Variants in DNAH1 observed in about 807,000 individuals in gnomAD.
The protein encoded by DNAH1 is axonemal beta dynein heavy chain 1.
DNAH1 carries 327 observed loss-of-function variants against 484.3 expected under a neutral mutation model. That is an observed-to-expected ratio of 0.68 (90% CI 0.62 to 0.74). The LOEUF (loss-of-function observed/expected upper bound fraction) is 0.74. Ranked by LOEUF, DNAH1 falls within the 30% of genes least tolerant of loss-of-function variation. The pLI is 0.00. For missense variants in DNAH1, 5,052 were observed against 5,546.8 expected (o/e 0.91, Z 2.83); for synonymous variants, 2,192 against 2,191.9 (o/e 1.00, Z 0.00).
rs1315748049 is a variant in DNAH1 at position 52,327,897 on chromosome 3, G to A, written c.754G>A (p.Asp252Asn). 1.2e-6 allele frequency: 2 copies of A among 1,613,642 alleles called. No homozygotes were observed. Among genetic ancestry groups the A allele is most frequent in the Non-Finnish European group, 1.7e-6 (2 of 1,179,660 alleles). Residue 252 changes from aspartate (D) to asparagine (N), a missense_variant, in exon 6 of 78, where the codon GAC (aspartate) becomes AAC (asparagine). By Grantham distance (23) the Asp-to-Asn change is conservative (BLOSUM62 1). Coordinates refer to ENST00000420323, the MANE Select transcript of DNAH1 (RefSeq NM_015512.5). ...TTTCTTCCAGGTATTTGACAATGAG[G>A]ACTTTGACTGCCGGACTCCCAGAGA... ...YLPLKVFDNE[D>N]FDCRTPREWI...
chr3:52,394,727 G>T, intron 67 of DNAH1, 66 bp downstream of exon 67: 3 of 1,517,672 alleles, frequency 2.0e-6, no homozygotes, highest in Non-Finnish European at 8.8e-7. Context: ...GGAAAGGCTT[G>T]TCTGGGCGCC....
rs779253456 is a variant in DNAH1, at chr3:52,332,312, G to A, written c.1204G>A (p.Gly402Ser). 2.2e-5 allele frequency: 36 copies of A among 1,613,922 alleles called. No homozygotes were observed. Among genetic ancestry groups the A allele is most frequent in the African/African-American group, 6.7e-5 (5 of 74,938 alleles). Residue 402 changes from glycine to serine, a missense_variant, in exon 8 of 78, where the codon GGC becomes AGC. Transcript: ENST00000420323. The stretch of plus-strand genomic sequence containing the variant: ...GTATGTGGACTGCATGCCCTCTGAC[G>A]GCCAGCATGTCATCAGTGAACAGAG... ...NLYVDCMPSD[G>S]QHVISEQSLS...
In DNAH1 at chr3:52,388,474, G is replaced by T; in HGVS notation, c.9228G>T (p.Glu3076Asp). The change falls in exon 58 of 78, where the codon GAG (glutamate) becomes GAT (aspartate). Residue 3076 changes from glutamate (E) to aspartate (D), a missense_variant. Around this residue, in one of 4 missense-constraint regions of DNAH1, gnomAD observed 2,929 missense variants for 3,409.4 expected, o/e 0.86. Transcript: ENST00000420323. ...GGGTGACACAGAGGATCCTGGATGA[G>T]GCAAAACAGCGCCTTCGTGAGGTGG... ...DLGVTQRILD[E>D]AKQRLREVED... 1 of 1,612,892 alleles carries T rather than the reference G, an allele frequency of 6.2e-7. No homozygotes were observed. The highest frequency in any genetic ancestry group is 1.1e-5 in the South Asian group (1 of 90,802).
In DNAH1 at chr3:52,395,599, T is replaced by A; in HGVS notation, c.11180T>A (p.Val3727Asp). 6.2e-7 allele frequency: 1 copy of A among 1,613,746 alleles called. No individual in the cohort carries two copies. Among genetic ancestry groups the A allele is most frequent in the Non-Finnish European group, 8.5e-7 (1 of 1,179,882 alleles). Residue 3727 changes from valine to aspartate, a missense_variant, in exon 70 of 78, where the codon GTC (valine) becomes GAC (aspartate). By Grantham distance (152) the Val-to-Asp change is radical. Around this residue, in one of 4 missense-constraint regions of DNAH1, gnomAD observed 853 missense variants for 899.0 expected, o/e 0.95. Coordinates refer to ENST00000420323, the MANE Select transcript of DNAH1 (RefSeq NM_015512.5). This position sits in a 1 kb window ranked among gnomAD's most constrained non-coding sequence, Gnocchi z 4.4. ...MRSSIERGKW[V>D]FFQNCHLAPS... ...AGCTCCATAGAGAGGGGCAAATGGGTCTTCTTCCAGAACTGCCACCTGGCA... is the reference window on the plus strand; with the variant it reads ...AGCTCCATAGAGAGGGGCAAATGGGACTTCTTCCAGAACTGCCACCTGGCA...
Position 52,353,203 on chromosome 3 carries a change from A to AC in DNAH1, c.3133dup (p.Leu1045ProfsTer7). ...CGCTGGTCGGAGAGCTGGATGAATG[A>AC]CCCCCTCTCTGCCATCGATGCTGAG... is the stretch of plus-strand genomic sequence containing the variant. On this transcript the variant is annotated frameshift_variant, in exon 19 of 78. Coordinates refer to ENST00000420323, the MANE Select transcript of DNAH1 (RefSeq NM_015512.5). LOFTEE classifies it high-confidence loss of function. The surrounding 1 kb of genome is among the most constrained non-coding windows in gnomAD (Gnocchi z 5.0). 1 of 1,613,508 alleles carries AC rather than the reference A, an allele frequency of 6.2e-7. No individual in the cohort carries two copies. The highest frequency in any genetic ancestry group is 8.5e-7 in the Non-Finnish European group (1 of 1,179,802).
At chr3:52,369,735 A>T (rs530371253) in intron 37 of DNAH1, 90 bp from the exon 38 acceptor site, 3 of 1,390,496 alleles carry the variant, frequency 2.2e-6, no homozygotes, top group Admixed American at 2.2e-5. Context: ...CACTTACAGG[A>T]TGTGCAGCCC....
At chr3:52,385,296 C>G in intron 53 of DNAH1, 41 bp from the exon 54 acceptor site, 1 of 1,533,170 alleles carries the variant, frequency 6.5e-7, no homozygotes. Context: ...CTCTCTCTGT[C>G]CCTGCCACAC....
Position 52,358,428 on chromosome 3 carries a change from G to A in DNAH1, c.4087-130G>A, listed in dbSNP as rs567094449. 1.5e-4 allele frequency: 155 copies of A among 1,031,314 alleles called. 2 individuals carry two copies. The South Asian group carries it at 2.2e-3, about 15-fold the overall frequency. 63.9% of individuals were successfully genotyped at this position (1,031,314 alleles called of 1,614,324 possible). On this transcript the variant is annotated intron_variant, in intron 24 of 77. Transcript: ENST00000420323. This position sits in a 1 kb window ranked among gnomAD's most constrained non-coding sequence, Gnocchi z 4.2. ...GAAGGCCCAGCCAAGATAGACTCTC[G>A]GGGGGACGGGAAGGCAGGGCTTTCT...
rs758519946 is a variant in DNAH1 at position 52,388,616 on chromosome 3, A to G, written c.9363+7A>G. 54 of 1,611,612 alleles carry G rather than the reference A, an allele frequency of 3.4e-5. No homozygotes were observed. Among genetic ancestry groups the G allele is most frequent in the Non-Finnish European group, 4.3e-5 (51 of 1,179,448 alleles). ...GCTGGGCCGAGCTGGCAAGGTGCGC[A>G]CCCTCCTCCTGCAAGGCCTGCAAGC... On this transcript the variant is annotated splice_region_variant and intron_variant, in intron 58 of 77. Coordinates refer to ENST00000420323, the MANE Select transcript of DNAH1 (RefSeq NM_015512.5).
At chr3:52,372,606 G>A (rs1205948804) in intron 43 of DNAH1, among the ~76,000 whole-genome samples, 3 of 152,228 alleles carry the variant, frequency 2.0e-5, no homozygotes, top group Non-Finnish European at 4.4e-5. Context: ...GTGGGTGCTC[G>A]CCCTGGCTGT....
At chr3:52,391,909 G>A (rs770583571) in intron 63 of DNAH1, among the ~76,000 whole-genome samples, 32 of 152,028 alleles carry the variant, frequency 2.1e-4, no homozygotes, top group African/African-American at 5.8e-4. Context: ...CTGAGCCCTC[G>A]CCAGGCCCTG....
At chr3:52,349,657 G>C (rs1702290650) in intron 14 of DNAH1, among the ~76,000 whole-genome samples, 1 of 152,218 alleles carries the variant, frequency 6.6e-6, no homozygotes, top group Non-Finnish European at 1.5e-5. Flanking sequence ...TAGACTCTTA[G>C]AGGCCTGGAA....
Position 52,386,231 on chromosome 3 carries a change from C to T in DNAH1, c.8697C>T (p.Ala2899=). The change falls in exon 55 of 78, where the codon GCC becomes GCT. Residue 2899 remains alanine (A), a synonymous_variant. Transcript: ENST00000420323. ...AGGAGATCAAAGCCAATGAGAAGGC[C>T]AAGAAGGCACAAGCTATTGCTGACG... ...QTEEIKANEK[A]KKAQAIADDA... is the part of the protein sequence containing the mutation. 6.2e-7 allele frequency: 1 copy of T among 1,613,694 alleles called. No homozygotes were observed. Among genetic ancestry groups the T allele is most frequent in the Non-Finnish European group, 8.5e-7 (1 of 1,179,796 alleles).
chr3:52,378,545 A>C, intron 46 of DNAH1, 57 bp from the exon 47 acceptor site: 1 of 1,573,888 alleles, frequency 6.4e-7, no homozygotes, highest in Non-Finnish European at 8.7e-7. Context: ...CAGGACCTGC[A>C]GAGGCGGCAG....
intron 16 of DNAH1, among the ~76,000 whole-genome samples, chr3:52,351,405 G>A (rs563392693): frequency 6.6e-6 from 1 of 152,352 alleles, no homozygotes; most frequent in East Asian, 1.9e-4. Flanking sequence ...GACCATCAGG[G>A]CCCTGCCCAG....
Position 52,394,572 on chromosome 3 carries a change from G to A in DNAH1, c.10734G>A (p.Ser3578=), listed in dbSNP as rs754326893. ...DRAWRDILAL[S]NLPTFSSFSS... is the part of the protein sequence containing the mutation. ...CTTGGCGAGACATCCTAGCACTCTC[G>A]AACCTGCCAACCTTTTCCTCCTTCT... Residue 3578 remains serine (S), a synonymous_variant, in exon 67 of 78, where the codon TCG becomes TCA. Transcript: ENST00000420323. 2.5e-5 allele frequency: 40 copies of A among 1,612,674 alleles called. No individual in the cohort carries two copies. The highest frequency in any genetic ancestry group is 2.0e-4 in the East Asian group (9 of 44,864).
chr3:52,311,466 G>A (rs536613137), upstream of DNAH1, among the ~76,000 whole-genome samples: 122 of 152,280 alleles, frequency 8.0e-4, no homozygotes, highest in African/African-American at 2.8e-3. Context: ...AGATGAGACA[G>A]TTTACTCTGG....
intron 44 of DNAH1, among the ~76,000 whole-genome samples, chr3:52,373,300 G>C (rs1209085025): frequency 6.6e-6 from 1 of 152,204 alleles, no homozygotes. Flanking sequence ...TCAGTCCCCA[G>C]GTGGCGGTGG....
chr3:52,395,037 A>T lies in DNAH1; in HGVS notation c.10946A>T (p.Glu3649Val), dbSNP rs781463780. Residue 3649 changes from glutamate (E) to valine (V), a missense_variant, in exon 68 of 78, where the codon GAG becomes GTG. Transcript: ENST00000420323. The surrounding 1 kb of genome is among the most constrained non-coding windows in gnomAD (Gnocchi z 4.4). The stretch of plus-strand genomic sequence containing the variant: ...CAGGACTTTGTGGCCACCAACCTGG[A>T]GCCACGCTTCATTGAACCCCAGGCA... ...AMQDFVATNL[E>V]PRFIEPQTAN... 1 of 1,610,282 alleles carries T rather than the reference A, an allele frequency of 6.2e-7. No individual in the cohort carries two copies. The highest frequency in any genetic ancestry group is 8.5e-7 in the Non-Finnish European group (1 of 1,178,302).
Sources: allele counts gnomAD v4.1 joint callset (sites outside exome capture counted in the v4.1 genomes callset), GRCh38; gene constraint gnomAD v4.1.1; regional missense constraint gnomAD v4.1.1; non-coding constraint Gnocchi (gnomAD v3.1); transcripts MANE v1.5; gene names NCBI Gene and HGNC (gene_info 2026-07-23, HGNC 2026-07-21).